The following N4BP3 variants were observed in gnomAD, a reference collection of about 807,000 sequenced individuals.
N4BP3 encodes the protein NEDD4 binding protein 3.
N4BP3 carries 33 observed loss-of-function variants against 43.8 expected under a neutral mutation model. The ratio of observed to expected loss-of-function variants is 0.75; its 90% CI spans 0.57 to 1.01. The LOEUF (loss-of-function observed/expected upper bound fraction) is 1.01, where lower values mean the gene tolerates loss of function less well. Ranked by LOEUF, N4BP3 falls within the 50% of genes least tolerant of loss-of-function variation. The pLI is 0.00. For synonymous variants in N4BP3, 326 were observed against 321.9 expected, an observed-to-expected ratio of 1.01 and a Z score of -0.14; for missense variants, 756 against 744.2, an observed-to-expected ratio of 1.02 and a Z score of -0.18.
intron 4 of N4BP3, 52 bp from the exon 5 acceptor site, chr5:178,121,422 C>G (rs1361205768): frequency 1.2e-6 from 2 of 1,613,556 alleles, no homozygotes. Context: ...CCTGCCCCCT[C>G]CCAAACCGGC....
At chr5:178,117,171 T>G (rs1440281719) in intron 1 of N4BP3, among the ~76,000 whole-genome samples, 2 of 152,152 alleles carry the variant, frequency 1.3e-5, no homozygotes, top group African/African-American at 2.4e-5. Flanking sequence ...CATTTGTGTC[T>G]GGGGTCCCCT....
chr5:178,121,900 A>G lies in N4BP3; in HGVS notation c.1534A>G (p.Met512Val), dbSNP rs758105336. The G allele has an allele frequency of 1.9e-6, 3 of 1,611,568 alleles. No individual in the cohort carries two copies. The highest frequency in any genetic ancestry group is 2.2e-5 in the South Asian group (2 of 90,962). Residue 512 changes from methionine (M) to valine (V), a missense_variant, in exon 5 of 5, where the codon ATG (methionine) becomes GTG (valine). Coordinates refer to ENST00000274605, the MANE Select transcript of N4BP3 (RefSeq NM_015111.2). The part of the protein sequence containing the change: ...RYQREIQGGY[M>V]DMYRRNQALE... Reference sequence around the variant, plus strand: ...CCAGCGGGAGATCCAGGGAGGGTACATGGACATGTACCGCCGCAACCAGGC... The same window carrying G: ...CCAGCGGGAGATCCAGGGAGGGTACGTGGACATGTACCGCCGCAACCAGGC...
chr5:178,119,188 C>T (rs369623769), intron 1 of N4BP3, among the ~76,000 whole-genome samples: 32 of 152,170 alleles, frequency 2.1e-4, no homozygotes, highest in Non-Finnish European at 3.5e-4. Flanking sequence ...TAGCCCTGTG[C>T]GGGCCCAGTG....
At chr5:178,113,803 G>T (rs1451513415) in intron 1 of N4BP3, 32 bp downstream of exon 1, 1 of 151,618 alleles carries the variant, frequency 6.6e-6, no homozygotes, top group Non-Finnish European at 1.5e-5. Context: ...CTGGGGACCC[G>T]GGCTGGACTC....
rs200954417 is a variant in N4BP3, at chr5:178,121,327, G to A, written c.1082G>A (p.Arg361Gln). ...CTCCCAGAGGCTGACCCCAGTGCAC[G>A]ACCAGAGGAGGAAGCCCGATGGGAG... ...GTLPEADPSA[R>Q]PEEEARWEVC... The change falls in exon 4 of 5, where the codon CGA becomes CAA. Residue 361 changes from arginine (R) to glutamine (Q), a missense_variant. Physicochemically the swap from Arg to Gln is conservative, Grantham distance 43. Transcript: ENST00000274605. The A allele has an allele frequency of 3.6e-5, 58 of 1,602,286 alleles. No homozygotes were observed. The highest frequency in any genetic ancestry group is 4.6e-5 in the Non-Finnish European group (54 of 1,172,862).
chr5:178,122,249 G>T lies in N4BP3; in HGVS notation c.*248G>T. The T allele has an allele frequency of 2.1e-6, 1 of 473,858 alleles. No individual in the cohort carries two copies. Among genetic ancestry groups the T allele is most frequent in the Non-Finnish European group, 3.7e-6 (1 of 269,664 alleles). The allele number at this position is 473,858 out of a possible 1,614,324, so 29.4% of individuals were successfully genotyped here. Reference sequence around the variant, plus strand: ...AGCCCTGCTTCCTGGAGTGGATGTGGCCCAGAGAAGGAGGCTGGGGGATCA... The same window carrying T: ...AGCCCTGCTTCCTGGAGTGGATGTGTCCCAGAGAAGGAGGCTGGGGGATCA... On this transcript the variant is annotated 3_prime_UTR_variant, in exon 5 of 5. Coordinates refer to ENST00000274605, the MANE Select transcript of N4BP3 (RefSeq NM_015111.2).
Position 178,122,123 on chromosome 5 carries a change from G to A in N4BP3, c.*122G>A, listed in dbSNP as rs1007142545. On this transcript the variant is annotated 3_prime_UTR_variant, in exon 5 of 5. Coordinates refer to ENST00000274605, the MANE Select transcript of N4BP3 (RefSeq NM_015111.2). ...GAGGCCAGCCCGGGGCTGGGGAGGC[G>A]CAAGGAGAGGAGGGATCCAGTGGGG... 1.6e-5 allele frequency: 20 copies of A among 1,267,844 alleles called. No homozygotes were observed. The highest frequency in any genetic ancestry group is 7.7e-5 in the East Asian group (3 of 39,150). The allele number at this position is 1,267,844 out of a possible 1,614,324, so 78.5% of individuals were successfully genotyped here.
In N4BP3 at chr5:178,121,115, G is replaced by T; in HGVS notation, c.870G>T (p.Gln290His). Residue 290 changes from glutamine to histidine, a missense_variant, in exon 4 of 5, where the codon CAG becomes CAT. Physicochemically the swap from Gln to His is conservative, Grantham distance 24. Transcript: ENST00000274605. Reference sequence around the variant, plus strand: ...CTTGACAGGTGCTGGAGGAGCGCCAGCGGCTGTGGCTGGCTGAGCTGAAGC... The same window carrying T: ...CTTGACAGGTGCTGGAGGAGCGCCATCGGCTGTGGCTGGCTGAGCTGAAGC... The part of the protein sequence containing the change: ...NPFTQVLEER[Q>H]RLWLAELKRL... 6.3e-7 allele frequency: 1 copy of T among 1,598,954 alleles called. No individual in the cohort carries two copies. The highest frequency in any genetic ancestry group is 1.1e-5 in the South Asian group (1 of 90,830).
At chr5:178,113,820 T>C (rs886943411) in intron 1 of N4BP3, 49 bp downstream of exon 1, 3 of 25,904 alleles carry the variant, frequency 1.2e-4, no homozygotes, top group African/African-American at 4.4e-4. Flanking sequence ...ACTCGGGGGG[T>C]GGGGAGGGGT....
chr5:178,120,314 C>T lies in N4BP3; in HGVS notation c.467C>T (p.Pro156Leu), dbSNP rs557451928. 126 of 1,609,392 alleles carry T rather than the reference C, an allele frequency of 7.8e-5. 1 individual carries two copies. In the South Asian group the frequency reaches 1.2e-3, roughly 15 times the overall value. ...NGSLHTLACHPPLSPGPRASQ... is the reference protein window; with the variant it reads ...NGSLHTLACHLPLSPGPRASQ... ...AGCCTGCACACGCTGGCCTGCCACC[C>T]GCCCCTGAGCCCCGGGCCCCGGGCC... The change falls in exon 3 of 5, where the codon CCG becomes CTG. Residue 156 changes from proline to leucine, a missense_variant. Physicochemically the swap from Pro to Leu is moderately conservative, Grantham distance 98. Coordinates refer to ENST00000274605, the MANE Select transcript of N4BP3 (RefSeq NM_015111.2).
chr5:178,116,484 G>A (rs1757776308), intron 1 of N4BP3, among the ~76,000 whole-genome samples: 1 of 152,156 alleles, frequency 6.6e-6, no homozygotes, highest in African/African-American at 2.4e-5. Context: ...TAGCCTGGGG[G>A]CTGGGAAGGA....
At chr5:178,117,040 T>TGG (rs1375946793) in intron 1 of N4BP3, among the ~76,000 whole-genome samples, 2 of 152,178 alleles carry the variant, frequency 1.3e-5, no homozygotes, top group Non-Finnish European at 2.9e-5. Context: ...TTCAAACTCC[T>TGG]GGGGTCAAGT....
chr5:178,119,347 A>G (rs73348177), intron 1 of N4BP3, among the ~76,000 whole-genome samples: 3,397 of 152,276 alleles, frequency 0.022, 112 homozygotes, highest in African/African-American at 0.078. Context: ...CAAGTGACAG[A>G]TGGGCAGGTG....
chr5:178,121,495 A>C lies in N4BP3; in HGVS notation c.1129A>C (p.Ile377Leu). 6.2e-7 allele frequency: 1 copy of C among 1,613,932 alleles called. No homozygotes were observed. Among genetic ancestry groups the C allele is most frequent in the Non-Finnish European group, 8.5e-7 (1 of 1,180,004 alleles). Reference sequence around the variant, plus strand: ...CCAGGTGTGCCAGAAGACAGCAGAGATTAGCCTCTTGAAGCAGCAGCTGCG... The same window carrying C: ...CCAGGTGTGCCAGAAGACAGCAGAGCTTAGCCTCTTGAAGCAGCAGCTGCG... ...RWEVCQKTAE[I>L]SLLKQQLREA... is the part of the protein sequence containing the mutation. Residue 377 changes from isoleucine (I) to leucine (L), a missense_variant, in exon 5 of 5, where the codon ATT becomes CTT. Physicochemically the swap from Ile to Leu is conservative, Grantham distance 5 (BLOSUM62 2). Coordinates refer to ENST00000274605, the MANE Select transcript of N4BP3 (RefSeq NM_015111.2).
At position 178,119,861 on chromosome 5, in the gene N4BP3, G is replaced by C; in HGVS notation, c.278G>C (p.Arg93Pro). The change falls in exon 2 of 5, where the codon CGC (arginine) becomes CCC (proline). Residue 93 changes from arginine to proline, a missense_variant. Arg to Pro is a moderately radical substitution (Grantham distance 103). Coordinates refer to ENST00000274605, the MANE Select transcript of N4BP3 (RefSeq NM_015111.2). ...YATLYYREHS[R>P]AGDFSKTSLP... ...ACCCTCTACTACCGGGAACATTCTC[G>C]CGCGGGTGACTTCAGCAAGACCTCG... The C allele has an allele frequency of 6.2e-7, 1 of 1,612,540 alleles. No homozygotes were observed.
chr5:178,120,476 C>T lies in N4BP3; in HGVS notation c.629C>T (p.Ser210Phe). 6.2e-7 allele frequency: 1 copy of T among 1,613,108 alleles called. No individual in the cohort carries two copies. The highest frequency in any genetic ancestry group is 8.5e-7 in the Non-Finnish European group (1 of 1,180,024). ...SPGTGPSPFSSSLGHLNHLGG... is the reference protein window; with the variant it reads ...SPGTGPSPFSFSLGHLNHLGG... ...GGTACTGGCCCTAGCCCCTTCAGCT[C>T]CTCCCTTGGCCACCTTAACCACCTC... is the stretch of plus-strand genomic sequence containing the variant. The change falls in exon 3 of 5, where the codon TCC becomes TTC. Residue 210 changes from serine to phenylalanine, a missense_variant. Transcript: ENST00000274605.
chr5:178,120,990 C>G, intron 3 of N4BP3, 108 bp from the exon 4 acceptor site: 1 of 1,421,514 alleles, frequency 7.0e-7, no homozygotes, highest in Non-Finnish European at 9.3e-7. Context: ...TGGCTGGGTC[C>G]TGTGGTGTAG....
chr5:178,114,914 G>C (rs1210758971), intron 1 of N4BP3, among the ~76,000 whole-genome samples: 1 of 152,196 alleles, frequency 6.6e-6, no homozygotes, highest in East Asian at 1.9e-4. Context: ...TGGAGGGCTG[G>C]GCAGACATAT....
At chr5:178,114,249 C>T (rs1017330799) in intron 1 of N4BP3, among the ~76,000 whole-genome samples, 7 of 152,336 alleles carry the variant, frequency 4.6e-5, no homozygotes, top group African/African-American at 1.4e-4. Flanking sequence ...TTGGGGAACC[C>T]TCGCCTTCAC....
Sources: allele counts gnomAD v4.1 joint callset (sites outside exome capture counted in the v4.1 genomes callset), GRCh38; gene constraint gnomAD v4.1.1; transcripts MANE v1.5; gene names NCBI Gene and HGNC (gene_info 2026-07-23, HGNC 2026-07-21).